Variants in SEMA3C observed in about 807,000 individuals in gnomAD.
SEMA3C encodes the protein semaphorin 3C, also known as semaphorin-3C.
SEMA3C carries 47 observed loss-of-function variants against 89.4 expected under a neutral mutation model. The observed-to-expected ratio is 0.53, with a 90% CI of 0.42 to 0.67. The LOEUF (loss-of-function observed/expected upper bound fraction) is 0.67, where lower values mean the gene tolerates loss of function less well. Ranked by LOEUF, SEMA3C falls within the 30% of genes least tolerant of loss-of-function variation. The pLI, the probability that SEMA3C is intolerant of heterozygous loss-of-function variation, is 0.00. For synonymous variants in SEMA3C, 310 were observed against 320.2 expected (o/e 0.97, Z 0.34); for missense variants, 839 against 929.1 (o/e 0.90, Z 1.26).
intron 12 of SEMA3C, among the ~76,000 whole-genome samples, chr7:80,771,500 C>T (rs1788432952): frequency 6.6e-6 from 1 of 152,056 alleles, no homozygotes; most frequent in African/African-American, 2.4e-5. Flanking sequence ...TAATTTTTTT[C>T]TAATATAAGG....
chr7:80,843,060 G>A (rs1316033897), intron 2 of SEMA3C, among the ~76,000 whole-genome samples: 4 of 152,078 alleles, frequency 2.6e-5, no homozygotes, highest in South Asian at 4.1e-4. Context: ...GTGTGGGTGG[G>A]GGTGCAGATA....
intron 2 of SEMA3C, among the ~76,000 whole-genome samples, chr7:80,886,263 T>A (rs1791474185): frequency 6.6e-6 from 1 of 152,096 alleles, no homozygotes; most frequent in Non-Finnish European, 1.5e-5. Flanking sequence ...GGTATTGGTA[T>A]AATAAATATA....
At chr7:80,805,501 A>G in intron 7 of SEMA3C, 138 bp downstream of exon 7, 1 of 580,344 alleles carries the variant, frequency 1.7e-6, no homozygotes, top group Non-Finnish European at 2.8e-6. Flanking sequence ...ATTTTAAATC[A>G]TAGGGTACAG....
At chr7:80,754,733 C>T (rs962255131) in intron 15 of SEMA3C, among the ~76,000 whole-genome samples, 10 of 151,910 alleles carry the variant, frequency 6.6e-5, no homozygotes, top group East Asian at 5.8e-4. Flanking sequence ...CTTTTCATGA[C>T]AGAATTAAGG....
intron 2 of SEMA3C, among the ~76,000 whole-genome samples, chr7:80,845,926 T>C (rs1471023358): frequency 1.3e-5 from 2 of 152,208 alleles, no homozygotes; most frequent in Admixed American, 1.3e-4. Flanking sequence ...ATCAATTCAA[T>C]GACTTCCTGT....
rs114896761 is a variant in SEMA3C at position 80,749,657 on chromosome 7, T to G, written c.1712-629A>C. Among the ~76,000 whole-genome samples the G allele has an allele frequency of 2.3e-3, 352 of 152,298 alleles. 2 individuals are homozygous for G. The highest frequency in any genetic ancestry group is 8.1e-3 in the African/African-American group (336 of 41,570). ...ATGTCTCTGTGCTTTAGTTTTACTC[T>G]TCTCTAAAACATGGATTATAGCATT... On this transcript the variant is annotated intron_variant, in intron 16 of 17. Coordinates refer to ENST00000265361, the MANE Select transcript of SEMA3C (RefSeq NM_006379.5).
At chr7:80,761,147 G>T (rs956731162) in intron 14 of SEMA3C, among the ~76,000 whole-genome samples, 1 of 151,836 alleles carries the variant, frequency 6.6e-6, no homozygotes, top group Non-Finnish European at 1.5e-5. Context: ...TAAATCCTAG[G>T]AAATAATATT....
chr7:80,808,722 A>C lies in SEMA3C; in HGVS notation c.538+1889T>G, dbSNP rs1176950166. On this transcript the variant is annotated intron_variant, in intron 6 of 17. Transcript: ENST00000265361. ...ATACATTAAAAAAAAGCAAAGAGGA[A>C]AAGACGTCTACTATACGTATGACAT... Among the ~76,000 whole-genome samples the C allele has an allele frequency of 2.0e-5, 3 of 152,176 alleles. No individual in the cohort carries two copies. In the East Asian group the frequency reaches 5.8e-4, roughly 29 times the overall value.
chr7:80,795,170 G>T (rs933435041), intron 11 of SEMA3C, among the ~76,000 whole-genome samples: 1 of 152,150 alleles, frequency 6.6e-6, no homozygotes, highest in Non-Finnish European at 1.5e-5. Context: ...TTGGCTGCAG[G>T]TGGTTCGGCT....
At chr7:80,804,000 C>T in intron 8 of SEMA3C, 106 bp downstream of exon 8, 1 of 957,246 alleles carries the variant, frequency 1.0e-6, no homozygotes, top group Non-Finnish European at 1.5e-6. Flanking sequence ...TAAATGCTTC[C>T]CTCAATATTT....
intron 2 of SEMA3C, among the ~76,000 whole-genome samples, chr7:80,914,160 G>T (rs1366398202): frequency 6.6e-6 from 1 of 152,168 alleles, no homozygotes; most frequent in African/African-American, 2.4e-5. Flanking sequence ...TTCAGTTGCT[G>T]ATTTTTTATT....
intron 2 of SEMA3C, among the ~76,000 whole-genome samples, chr7:80,863,709 T>TATATATCACAG (rs1487926051): frequency 6.7e-6 from 1 of 148,744 alleles, no homozygotes; most frequent in Non-Finnish European, 1.5e-5. Context: ...ATATGTGATA[T>TATATATCACAG]ATATATCACA....
intron 2 of SEMA3C, among the ~76,000 whole-genome samples, chr7:80,866,046 C>T (rs1339774467): frequency 1.3e-5 from 2 of 152,060 alleles, no homozygotes; most frequent in South Asian, 4.1e-4. Flanking sequence ...AAATAAGCAT[C>T]GTTTAAATAA....
intron 2 of SEMA3C, among the ~76,000 whole-genome samples, chr7:80,892,872 GA>G (rs1791649048): frequency 6.6e-6 from 1 of 151,998 alleles, no homozygotes; most frequent in African/African-American, 2.4e-5. Context: ...ATCTTTTCTG[GA>G]AAACAAAAGA....
At position 80,754,966 on chromosome 7, in the gene SEMA3C, T is replaced by TTTTGTTTTTTTTGTTTTTTTTG. The variant is rs1554359517; in HGVS notation, c.1643+3364_1643+3365insCAAAAAAAACAAAAAAAACAAA. On this transcript the variant is annotated intron_variant, in intron 15 of 17. Transcript: ENST00000265361. Reference sequence around the variant, plus strand: ...CGAATTGTTTTTTTTTGTTTTTTTTTTTTTTGTATTTTTAGTAGAGATGGG... The same window carrying TTTTGTTTTTTTTGTTTTTTTTG: ...CGAATTGTTTTTTTTTGTTTTTTTTTTTTGTTTTTTTTGTTTTTTTTGTTTTTGTATTTTTAGTAGAGATGGG... 5.2e-4 allele frequency among the ~76,000 whole-genome samples: 72 copies of TTTTGTTTTTTTTGTTTTTTTTG among 139,088 alleles called. 3 individuals carry two copies. The highest frequency in any genetic ancestry group is 3.8e-3 in the Middle Eastern group (1 of 262). 91.2% of individuals were successfully genotyped at this position (139,088 alleles called of 152,430 possible). A position where few individuals can be genotyped will look rare whatever the true frequency, so the allele number is the denominator to read the frequency against.
upstream of SEMA3C, chr7:80,919,404 GCT>G (rs1397863893): frequency 5.1e-6 from 5 of 983,376 alleles, no homozygotes; most frequent in East Asian, 5.7e-4. Context: ...GTTGCCGGCG[GCT>G]CTCGAAGACT....
At chr7:80,882,048 A>G (rs1261490117) in intron 2 of SEMA3C, among the ~76,000 whole-genome samples, 1 of 152,228 alleles carries the variant, frequency 6.6e-6, no homozygotes, top group East Asian at 1.9e-4. Context: ...GTATTTGCGC[A>G]CACAAGAAGT....
chr7:80,850,682 T>C (rs536501565), intron 2 of SEMA3C, among the ~76,000 whole-genome samples: 3 of 152,330 alleles, frequency 2.0e-5, no homozygotes, highest in Admixed American at 6.5e-5. Flanking sequence ...TAGACAAGTA[T>C]GGTATCTTTT....
intron 12 of SEMA3C, among the ~76,000 whole-genome samples, chr7:80,767,014 G>A (rs1339543032): frequency 6.6e-6 from 1 of 152,130 alleles, no homozygotes; most frequent in Non-Finnish European, 1.5e-5. Context: ...CCAGAAGTAT[G>A]AGAACCTGTA....
Sources: allele counts gnomAD v4.1 joint callset (sites outside exome capture counted in the v4.1 genomes callset), GRCh38; gene constraint gnomAD v4.1.1; transcripts MANE v1.5; gene names NCBI Gene and HGNC (gene_info 2026-07-23, HGNC 2026-07-21).